Variants in PLCB1 observed in about 807,000 individuals in gnomAD.
PLCB1 encodes the protein 1-phosphatidylinositol 4,5-bisphosphate phosphodiesterase beta-1.
A neutral mutation model predicts 161.8 loss-of-function variants in PLCB1; 46 were observed. The observed-to-expected ratio is 0.28, with a 90% CI of 0.22 to 0.36. PLCB1 has a LOEUF of 0.36. Ranked by LOEUF, PLCB1 falls within the 10% of genes least tolerant of loss-of-function variation. The pLI is 1.00. For synonymous variants in PLCB1, 517 were observed against 503.7 expected (o/e 1.03, Z -0.35); for missense variants, 1,016 against 1,472.5 (o/e 0.69, Z 5.07).
chr20:8,714,045 G>A lies in PLCB1; in HGVS notation c.1251-2219G>A, dbSNP rs184577294. Among the ~76,000 whole-genome samples, 9 of 152,108 alleles carry A rather than the reference G, an allele frequency of 5.9e-5. No individual in the cohort carries two copies. The East Asian group carries it at 1.2e-3, about 20-fold the overall frequency. The stretch of plus-strand genomic sequence containing the variant: ...CCAGGTGTTTGATCAAAGATAATTC[G>A]GGGCTCCCAATTTCCAACAGTCAGG... On this transcript the variant is annotated intron_variant, in intron 12 of 31. Transcript: ENST00000338037.
intron 3 of PLCB1, among the ~76,000 whole-genome samples, chr20:8,436,855 T>C (rs1027668821): frequency 6.6e-6 from 1 of 152,080 alleles, no homozygotes; most frequent in Non-Finnish European, 1.5e-5. Flanking sequence ...AGGGGTACGA[T>C]CTTTGCTCAC....
At chr20:8,255,036 G>C (rs1981341525) in intron 2 of PLCB1, among the ~76,000 whole-genome samples, 1 of 152,004 alleles carries the variant, frequency 6.6e-6, no homozygotes, top group South Asian at 2.1e-4. Context: ...GGAGAAAAAA[G>C]TCTTAACACT....
chr20:8,806,431 C>G (rs1319941029), intron 31 of PLCB1, among the ~76,000 whole-genome samples: 2 of 152,114 alleles, frequency 1.3e-5, no homozygotes, highest in Non-Finnish European at 2.9e-5. Context: ...GAAGGGCTCA[C>G]CCACTCTCAC....
Position 8,385,750 on chromosome 20 carries a change from G to T in PLCB1, c.246+14300G>T, listed in dbSNP as rs560183812. 4.6e-5 allele frequency among the ~76,000 whole-genome samples: 7 copies of T among 152,336 alleles called. No individual in the cohort carries two copies. The East Asian group carries it at 1.4e-3, about 29-fold the overall frequency. ...CGCTCACTCGCTGCCTCCCTTGGCT[G>T]GGGGGTGAGGGCTCCCCTCTCCCAT... On this transcript the variant is annotated intron_variant, in intron 3 of 31. Transcript: ENST00000338037.
chr20:8,135,169 C>T (rs575645083), intron 1 of PLCB1, among the ~76,000 whole-genome samples: 3 of 152,296 alleles, frequency 2.0e-5, no homozygotes, highest in African/African-American at 4.8e-5. Flanking sequence ...CCTGAGTTTA[C>T]CTCCTAGTTC....
intron 10 of PLCB1, among the ~76,000 whole-genome samples, chr20:8,697,365 A>G (rs530465035): frequency 6.6e-6 from 1 of 152,206 alleles, no homozygotes; most frequent in Non-Finnish European, 1.5e-5. Flanking sequence ...AAAAACCTGT[A>G]ATTGGCACAT....
At chr20:8,457,117 C>T (rs1981348637) in intron 3 of PLCB1, among the ~76,000 whole-genome samples, 1 of 152,076 alleles carries the variant, frequency 6.6e-6, no homozygotes, top group African/African-American at 2.4e-5. Context: ...TTTTATATGC[C>T]ACCTGCAAAA....
intron 3 of PLCB1, among the ~76,000 whole-genome samples, chr20:8,573,095 A>T (rs962999442): frequency 3.9e-5 from 6 of 152,176 alleles, no homozygotes; most frequent in Admixed American, 2.6e-4. Context: ...AAGTAGGAGG[A>T]TAGCAGGAAA....
intron 31 of PLCB1, among the ~76,000 whole-genome samples, chr20:8,841,586 C>T (rs6056202): frequency 9.2e-5 from 14 of 152,300 alleles, no homozygotes; most frequent in African/African-American, 2.4e-4. Context: ...TCTGTCTTTC[C>T]GTAAGACAAA....
At chr20:8,341,700 T>G (rs1263919438) in intron 2 of PLCB1, among the ~76,000 whole-genome samples, 1 of 152,248 alleles carries the variant, frequency 6.6e-6, no homozygotes, top group Non-Finnish European at 1.5e-5. Context: ...CCTTCTCATT[T>G]ATTTATGTAG....
At chr20:8,276,576 G>A (rs184356605) in intron 2 of PLCB1, among the ~76,000 whole-genome samples, 26 of 152,200 alleles carry the variant, frequency 1.7e-4, no homozygotes, top group Admixed American at 1.7e-3. Context: ...TTTTTACACT[G>A]TTAACTCCTT....
chr20:8,681,084 G>GTATATATATA lies in PLCB1; in HGVS notation c.863-3847_863-3846insATATATATAT, dbSNP rs1205332253. ...TGTATATATGTGTGTATATGTGTGTGTGTATATATATATATATATATATAT... is the reference window on the plus strand; with the variant it reads ...TGTATATATGTGTGTATATGTGTGTGTATATATATATGTATATATATATATATATATATAT... On this transcript the variant is annotated intron_variant, in intron 9 of 31. Transcript: ENST00000338037. 1.8e-4 allele frequency among the ~76,000 whole-genome samples: 7 copies of GTATATATATA among 39,782 alleles called. No homozygotes were observed. The East Asian group carries it at 1.9e-3, about 11-fold the overall frequency. 26.1% of individuals were successfully genotyped at this position (39,782 alleles called of 152,430 possible).
chr20:8,474,183 G>C (rs1460748730), intron 3 of PLCB1, among the ~76,000 whole-genome samples: 3 of 152,138 alleles, frequency 2.0e-5, no homozygotes, highest in Admixed American at 6.5e-5. Flanking sequence ...AATGATCTTA[G>C]TGCTGGGTAT....
At chr20:8,138,570 T>C (rs2051371205) in intron 1 of PLCB1, among the ~76,000 whole-genome samples, 1 of 152,240 alleles carries the variant, frequency 6.6e-6, no homozygotes, top group South Asian at 2.1e-4. Context: ...GTCTTTTCCA[T>C]CTAATCTTTT....
intron 2 of PLCB1, among the ~76,000 whole-genome samples, chr20:8,357,067 A>G (rs753616118): frequency 6.6e-5 from 10 of 152,196 alleles, no homozygotes; most frequent in Admixed American, 2.0e-4. Context: ...AAAGCGATCT[A>G]TCTTCTTGGG....
intron 2 of PLCB1, among the ~76,000 whole-genome samples, chr20:8,359,482 T>C (rs757549720): frequency 2.0e-5 from 3 of 152,140 alleles, no homozygotes; most frequent in Admixed American, 6.5e-5. Context: ...ATGACAAAAA[T>C]GAACTCTGAT....
chr20:8,859,040 G>A (rs1987164716), intron 31 of PLCB1, among the ~76,000 whole-genome samples: 1 of 152,108 alleles, frequency 6.6e-6, no homozygotes, highest in Non-Finnish European at 1.5e-5. Context: ...AAGGAAACTG[G>A]GCAACACACT....
intron 2 of PLCB1, among the ~76,000 whole-genome samples, chr20:8,334,221 G>GAAAGA (rs968317230): frequency 2.7e-5 from 4 of 150,390 alleles, no homozygotes; most frequent in Admixed American, 2.6e-4. Context: ...AAAAAAAAAA[G>GAAAGA]AAAGAAAAGA....
At chr20:8,213,052 C>T (rs1024608488) in intron 2 of PLCB1, among the ~76,000 whole-genome samples, 2 of 152,058 alleles carry the variant, frequency 1.3e-5, no homozygotes, top group African/African-American at 4.8e-5. Context: ...TGAGATTGCA[C>T]ACCATGTTTC....
Sources: allele counts gnomAD v4.1 joint callset (sites outside exome capture counted in the v4.1 genomes callset), GRCh38; gene constraint gnomAD v4.1.1; transcripts MANE v1.5; gene names NCBI Gene and HGNC (gene_info 2026-07-23, HGNC 2026-07-21).